Variants in EPHA8 observed in about 807,000 individuals in gnomAD.
EPHA8 encodes the protein ephrin type-A receptor 8.
Under a neutral mutation model 103.6 loss-of-function variants are expected in EPHA8, and 58 were observed. The ratio of observed to expected loss-of-function variants is 0.56; its 90% CI spans 0.45 to 0.70. EPHA8 has a LOEUF of 0.70. Ranked by LOEUF, EPHA8 falls within the 30% of genes least tolerant of loss-of-function variation. The pLI, the probability that EPHA8 is intolerant of heterozygous loss-of-function variation, is 0.00. For synonymous variants in EPHA8, 559 were observed against 572.5 expected (o/e 0.98, Z 0.34); for missense variants, 1,304 against 1,395.2 (o/e 0.93, Z 1.04).
In EPHA8 at chr1:22,569,365, G is replaced by T; in HGVS notation, c.159+12G>T. On this transcript the variant is annotated intron_variant, in intron 2 of 16. Transcript: ENST00000166244. The surrounding 1 kb of genome is among the most constrained non-coding windows in gnomAD (Gnocchi z 4.5). ...ATCCGGCTCATGGGGTGAGTGATGGGCACTGGGGACAACGTCATCCCTCTG... is the reference window on the plus strand; with the variant it reads ...ATCCGGCTCATGGGGTGAGTGATGGTCACTGGGGACAACGTCATCCCTCTG... The T allele has an allele frequency of 6.3e-7, 1 of 1,580,288 alleles. No homozygotes were observed. The highest frequency in any genetic ancestry group is 8.6e-7 in the Non-Finnish European group (1 of 1,164,032).
intron 3 of EPHA8, among the ~76,000 whole-genome samples, chr1:22,578,619 CTG>C (rs1158255657): frequency 1.8e-5 from 2 of 113,402 alleles, no homozygotes; most frequent in East Asian, 3.3e-4. Flanking sequence ...GAGTGTATGT[CTG>C]CGTGTGTGCA....
rs142067038 is a variant in EPHA8 at position 22,576,241 on chromosome 1, G to T, written c.184G>T (p.Glu62Ter). 1.9e-6 allele frequency: 3 copies of T among 1,611,178 alleles called. No individual in the cohort carries two copies. Among genetic ancestry groups the T allele is most frequent in the Non-Finnish European group, 2.5e-6 (3 of 1,178,218 alleles). ...HGWDSINEVD[E>*]SFQPIHTYQV... is the part of the protein sequence containing the mutation. ...GTGGGACTCCATCAACGAGGTGGAC[G>T]AGTCCTTCCAGCCCATCCACACGTA... Residue 62 changes from glutamate (E) to a stop codon, truncating the protein, a stop_gained, in exon 3 of 17, where the codon GAG (glutamate) becomes TAG (stop). Transcript: ENST00000166244. LOFTEE classifies it high-confidence loss of function. The surrounding 1 kb of genome is among the most constrained non-coding windows in gnomAD (Gnocchi z 4.8).
At chr1:22,585,027 C>CTGTGCG (rs1553146967) in intron 3 of EPHA8, among the ~76,000 whole-genome samples, 7 of 147,464 alleles carry the variant, frequency 4.7e-5, no homozygotes, top group Admixed American at 1.4e-4. Context: ...GGTCGTTTCT[C>CTGTGCG]TGTGTGTGTG....
rs142726625 is a variant in EPHA8 at position 22,601,075 on chromosome 1, G to T, written c.2716G>T (p.Ala906Ser). The T allele has an allele frequency of 2.1e-4, 337 of 1,606,482 alleles. 2 individuals carry two copies. Among genetic ancestry groups the T allele is most frequent in the Admixed American group, 4.0e-4 (24 of 59,532 alleles). ...CAGCCCTGAGAGTCTCAGGGCCACC[G>T]CCACAGTCAGCAGGTGCCTTGTGCC... ...IRSPESLRATATVSRCPPPAF... is the reference protein window; with the variant it reads ...IRSPESLRATSTVSRCPPPAF... The change falls in exon 15 of 17, where the codon GCC (alanine) becomes TCC (serine). Residue 906 changes from alanine to serine, a missense_variant. Transcript: ENST00000166244.
chr1:22,588,587 T>G (rs1371983342), intron 4 of EPHA8, among the ~76,000 whole-genome samples: 1 of 134,250 alleles, frequency 7.4e-6, no homozygotes, highest in African/African-American at 2.8e-5. Flanking sequence ...GGGTGAGCAG[T>G]GGGATGTCCA....
rs1557546861 is a variant in EPHA8 at position 22,563,988 on chromosome 1, G to A, written c.94+259G>A. On this transcript the variant is annotated intron_variant, in intron 1 of 16. Transcript: ENST00000166244. This position sits in a 1 kb window ranked among gnomAD's most constrained non-coding sequence, Gnocchi z 4.4. ...GTGGGAAAGGACAGGAGACAGGACTGAGGGATGTGCAGCTGGGGACAGAAT... is the reference window on the plus strand; with the variant it reads ...GTGGGAAAGGACAGGAGACAGGACTAAGGGATGTGCAGCTGGGGACAGAAT... Among the ~76,000 whole-genome samples the A allele has an allele frequency of 6.6e-6, 1 of 152,060 alleles. No homozygotes were observed. The highest frequency in any genetic ancestry group is 1.5e-5 in the Non-Finnish European group (1 of 67,994).
At position 22,596,156 on chromosome 1, in the gene EPHA8, A is replaced by C; in HGVS notation, c.1748A>C (p.His583Pro). Residue 583 changes from histidine to proline, a missense_variant, in exon 9 of 17, where the codon CAC becomes CCC. Transcript: ENST00000166244. Reference sequence around the variant, plus strand: ...CAGGACTCGGACGAGGAGAAGATGCACTATCAGAATGGACAGGGTGAGTGC... The same window carrying C: ...CAGGACTCGGACGAGGAGAAGATGCCCTATCAGAATGGACAGGGTGAGTGC... ...AFQDSDEEKMHYQNGQAPPPV... is the reference protein window; with the variant it reads ...AFQDSDEEKMPYQNGQAPPPV... The C allele has an allele frequency of 6.2e-7, 1 of 1,613,952 alleles. No homozygotes were observed. The highest frequency in any genetic ancestry group is 1.1e-5 in the South Asian group (1 of 91,048).
intron 3 of EPHA8, among the ~76,000 whole-genome samples, chr1:22,579,283 ATG>A (rs1003526796): frequency 2.6e-4 from 39 of 149,966 alleles, no homozygotes; most frequent in African/African-American, 9.1e-4. Flanking sequence ...GAGTGTATAT[ATG>A]CATGTGTGCA....
Position 22,589,341 on chromosome 1 carries a change from C to T in EPHA8, c.1315+135C>T. 1 of 1,599,326 alleles carries T rather than the reference C, an allele frequency of 6.3e-7. No individual in the cohort carries two copies. On this transcript the variant is annotated intron_variant, in intron 5 of 16. Transcript: ENST00000166244. The surrounding 1 kb of genome is among the most constrained non-coding windows in gnomAD (Gnocchi z 4.3). The stretch of plus-strand genomic sequence containing the variant: ...AGTGCCTCTCTGGCCCTGCGCTCCT[C>T]ACCAGGACCCAGAGCTGGAGGCTCT...
rs368900184 is a variant in EPHA8 at position 22,577,937 on chromosome 1, GTA to G, written c.823+1059_823+1060del. Among the ~76,000 whole-genome samples, 344 of 116,608 alleles carry G rather than the reference GTA, an allele frequency of 3.0e-3. 9 individuals are homozygous for G. Among genetic ancestry groups the G allele is most frequent in the African/African-American group, 0.011 (297 of 28,142 alleles). 76.5% of individuals were successfully genotyped at this position (116,608 alleles called of 152,430 possible). A position where few individuals can be genotyped will look rare whatever the true frequency, so the allele number is the denominator to read the frequency against. ...TGCGTGAGTGTATGTGTGCGTGAGTGTATGTGTGCGAGTGTATGCATGTGTGT... is the reference window on the plus strand; with the variant it reads ...TGCGTGAGTGTATGTGTGCGTGAGTGTGTGTGCGAGTGTATGCATGTGTGT... On this transcript the variant is annotated intron_variant, in intron 3 of 16. Transcript: ENST00000166244.
chr1:22,582,631 G>A (rs751144551), intron 3 of EPHA8, among the ~76,000 whole-genome samples: 4 of 152,198 alleles, frequency 2.6e-5, no homozygotes, highest in Admixed American at 6.5e-5. Context: ...GGCACACAGC[G>A]AGGGGTGGTT....
chr1:22,593,342 G>A lies in EPHA8; in HGVS notation c.1332G>A (p.Val444=), dbSNP rs1267208372. 2 of 1,574,772 alleles carry A rather than the reference G, an allele frequency of 1.3e-6. No homozygotes were observed. The highest frequency in any genetic ancestry group is 1.7e-6 in the Non-Finnish European group (2 of 1,159,814). ...TTNQAAPSQV[V]VIRQERAGQT... ...CCGCCCCAGCCCCGTCCCAGGTGGTGGTGATCCGTCAAGAGCGGGCGGGGC... is the reference window on the plus strand; with the variant it reads ...CCGCCCCAGCCCCGTCCCAGGTGGTAGTGATCCGTCAAGAGCGGGCGGGGC... The change falls in exon 6 of 17, where the codon GTG becomes GTA. Residue 444 remains valine (V), a synonymous_variant. Transcript: ENST00000166244.
chr1:22,595,955 G>A (rs544724826), intron 8 of EPHA8, 151 bp from the exon 9 acceptor site: 29 of 644,410 alleles, frequency 4.5e-5, no homozygotes, highest in African/African-American at 4.4e-4. Flanking sequence ...CTGGAGTCAG[G>A]GACTCTCCCC....
intron 7 of EPHA8, among the ~76,000 whole-genome samples, chr1:22,594,330 C>T (rs61767313): frequency 0.029 from 4,472 of 152,316 alleles, 77 homozygotes; most frequent in South Asian, 0.052. Context: ...TCGCCTGAGG[C>T]GGCAGAGATG....
chr1:22,601,520 G>C (rs748811403), intron 16 of EPHA8, 47 bp downstream of exon 16: 1 of 1,604,084 alleles, frequency 6.2e-7, no homozygotes, highest in Non-Finnish European at 8.5e-7. Flanking sequence ...GGGGCAGGGG[G>C]GGGGACCCCT....
chr1:22,588,527 G>A (rs537910597), intron 4 of EPHA8, among the ~76,000 whole-genome samples: 1 of 152,184 alleles, frequency 6.6e-6, no homozygotes, highest in African/African-American at 2.4e-5. Flanking sequence ...CTTACACACA[G>A]GGTGGCTGCT....
chr1:22,569,351 G>T lies in EPHA8; in HGVS notation c.157G>T (p.Gly53Trp), dbSNP rs1640457971. The T allele has an allele frequency of 6.3e-7, 1 of 1,593,614 alleles. No individual in the cohort carries two copies. The highest frequency in any genetic ancestry group is 1.2e-5 in the South Asian group (1 of 86,698). The part of the protein sequence containing the change: ...DWGWLTYPAH[G>W]WDSINEVDES... ...GGGCTGGCTCACGTATCCGGCTCAT[G>T]GGGTGAGTGATGGGCACTGGGGACA... Residue 53 changes from glycine (G) to tryptophan (W), a missense_variant and splice_region_variant, in exon 2 of 17, where the codon GGG becomes TGG. By Grantham distance (184) the Gly-to-Trp change is radical. Transcript: ENST00000166244. This position sits in a 1 kb window ranked among gnomAD's most constrained non-coding sequence, Gnocchi z 4.5.
rs1326520770 is a variant in EPHA8, at chr1:22,597,926, C to CCATCCCCT, written c.2116+71_2116+78dup. On this transcript the variant is annotated intron_variant, in intron 11 of 16. Transcript: ENST00000166244. This position sits in a 1 kb window ranked among gnomAD's most constrained non-coding sequence, Gnocchi z 4.6. ...CTCCTGCCTGGAGAGGCCTCTGGGT[C>CCATCCCCT]CATCCCCTCATCCATCCTGCTCTGC... is the stretch of plus-strand genomic sequence containing the variant. The CCATCCCCT allele has an allele frequency of 6.4e-7, 1 of 1,556,800 alleles. No homozygotes were observed. The highest frequency in any genetic ancestry group is 2.3e-5 in the East Asian group (1 of 44,358).
At chr1:22,565,555 G>A (rs576647660) in intron 1 of EPHA8, among the ~76,000 whole-genome samples, 4 of 152,274 alleles carry the variant, frequency 2.6e-5, no homozygotes, top group South Asian at 2.1e-4. Flanking sequence ...CCATCGAGGC[G>A]CTGGGAGTCA....
Sources: allele counts gnomAD v4.1 joint callset (sites outside exome capture counted in the v4.1 genomes callset), GRCh38; gene constraint gnomAD v4.1.1; non-coding constraint Gnocchi (gnomAD v3.1); transcripts MANE v1.5; gene names NCBI Gene and HGNC (gene_info 2026-07-23, HGNC 2026-07-21).